PRELID2: variants seen among roughly 807,000 people sequenced by gnomAD.
The protein encoded by PRELID2 is PRELI domain-containing protein 2.
Under a neutral mutation model 28.4 loss-of-function variants are expected in PRELID2, and 25 were observed. That is an observed-to-expected ratio of 0.88 (90% CI 0.64 to 1.23). PRELID2 has a LOEUF of 1.23. Ranked by LOEUF, PRELID2 falls within the 50% of genes most tolerant of loss-of-function variation. The pLI is 0.00. For synonymous variants in PRELID2, 76 were observed against 71.6 expected (o/e 1.06, Z -0.31); for missense variants, 201 against 214.4 (o/e 0.94, Z 0.39).
intron 1 of PRELID2, among the ~76,000 whole-genome samples, chr5:145,650,925 C>G (rs924298741): frequency 6.6e-6 from 1 of 151,982 alleles, no homozygotes; most frequent in African/African-American, 2.4e-5. Context: ...ACAGTGGGTG[C>G]GGCCCACCGA....
At chr5:145,598,867 G>A (rs1363162488) in intron 1 of PRELID2, among the ~76,000 whole-genome samples, 1 of 152,154 alleles carries the variant, frequency 6.6e-6, no homozygotes, top group Admixed American at 6.5e-5. Flanking sequence ...CATAAGAATG[G>A]TAAGAAAGAG....
chr5:145,741,262 A>G (rs1181922801), intron 1 of PRELID2, among the ~76,000 whole-genome samples: 2 of 113,672 alleles, frequency 1.8e-5, no homozygotes, highest in African/African-American at 7.2e-5. Flanking sequence ...TATAAATAAT[A>G]TATATTTATA....
At chr5:145,362,839 A>G in the PRELID2 span, among the ~76,000 whole-genome samples, 1 of 152,106 alleles carries the variant, frequency 6.6e-6, no homozygotes, top group African/African-American at 2.4e-5. Context: ...AGATCTTTCT[A>G]AGACATACAG....
chr5:145,581,804 G>A (rs1753110018), intron 1 of PRELID2, among the ~76,000 whole-genome samples: 1 of 152,000 alleles, frequency 6.6e-6, no homozygotes, highest in Admixed American at 6.6e-5. Flanking sequence ...ATAAATTGAG[G>A]ACCAGTCATG....
At chr5:145,333,629 C>T in the PRELID2 span, among the ~76,000 whole-genome samples, 1 of 152,140 alleles carries the variant, frequency 6.6e-6, no homozygotes, top group Non-Finnish European at 1.5e-5. Context: ...CCCTACCAAG[C>T]TCAAGCATCC....
chr5:145,603,937 A>G (rs529641462), intron 1 of PRELID2, among the ~76,000 whole-genome samples: 1 of 152,164 alleles, frequency 6.6e-6, no homozygotes, highest in Admixed American at 6.6e-5. Context: ...TAGAATAGTC[A>G]ATCTAGAAAA....
the PRELID2 span, among the ~76,000 whole-genome samples, chr5:145,333,711 G>GT: frequency 6.6e-6 from 1 of 151,714 alleles, no homozygotes; most frequent in Admixed American, 6.6e-5. Flanking sequence ...TGGGCTCCAT[G>GT]TTGGTGGGAT....
the PRELID2 span, among the ~76,000 whole-genome samples, chr5:145,430,329 C>A: frequency 2.0e-5 from 3 of 152,250 alleles, no homozygotes; most frequent in South Asian, 4.1e-4. Flanking sequence ...TAACAAATTT[C>A]TTTGGCTTTG....
chr5:145,806,822 C>T (rs899782257), intron 4 of PRELID2, among the ~76,000 whole-genome samples: 3 of 152,154 alleles, frequency 2.0e-5, no homozygotes, highest in East Asian at 3.9e-4. Flanking sequence ...CTATCTCTCT[C>T]CCGCCACCTT....
the PRELID2 span, among the ~76,000 whole-genome samples, chr5:145,427,349 G>A: frequency 3.9e-4 from 60 of 152,308 alleles, no homozygotes; most frequent in Middle Eastern, 3.4e-3. Context: ...GTGACACAGT[G>A]TATTTATTAA....
the PRELID2 span, among the ~76,000 whole-genome samples, chr5:145,310,756 G>A: frequency 4.6e-5 from 7 of 152,094 alleles, no homozygotes; most frequent in African/African-American, 1.7e-4. Flanking sequence ...ATGCATCTTC[G>A]TAAACTCTTA....
At chr5:145,504,998 A>T (rs1752393233) in intron 1 of PRELID2, among the ~76,000 whole-genome samples, 2 of 152,114 alleles carry the variant, frequency 1.3e-5, no homozygotes, top group South Asian at 4.1e-4. Context: ...GTCTTCACAT[A>T]CTTAAGCAAG....
chr5:145,412,744 T>C, the PRELID2 span, among the ~76,000 whole-genome samples: 1 of 152,182 alleles, frequency 6.6e-6, no homozygotes, highest in African/African-American at 2.4e-5. Context: ...CTCAAACTGC[T>C]ATGAAGAAAT....
At chr5:145,821,569 C>T (rs12658465) in intron 2 of PRELID2, among the ~76,000 whole-genome samples, 26,159 of 152,156 alleles carry the variant, frequency 0.17, 2,712 homozygotes, top group African/African-American at 0.27. Flanking sequence ...ATCACTGTGA[C>T]TTAGCCATGC....
At position 145,617,997 on chromosome 5, in the gene PRELID2, T is replaced by A. The variant is rs1213082319; in HGVS notation, n.71-144682A>T. On this transcript the variant is annotated intron_variant and non_coding_transcript_variant, in intron 1 of 2. Transcript: ENST00000510259. ...ATCCACCCACCTCGGCCTCCCAAAG[T>A]GCTGGGATTACAGATGTGAGCCACC... Among the ~76,000 whole-genome samples, 4 of 152,198 alleles carry A rather than the reference T, an allele frequency of 2.6e-5. No individual in the cohort carries two copies. In the East Asian group the frequency reaches 7.7e-4, roughly 29 times the overall value.
chr5:145,308,596 T>C, the PRELID2 span, among the ~76,000 whole-genome samples: 8 of 152,104 alleles, frequency 5.3e-5, no homozygotes, highest in African/African-American at 1.9e-4. Flanking sequence ...TAGGTGCAGA[T>C]ATTTTTAATT....
At chr5:145,675,076 C>A (rs752504432) in intron 1 of PRELID2, among the ~76,000 whole-genome samples, 7 of 151,912 alleles carry the variant, frequency 4.6e-5, no homozygotes, top group Non-Finnish European at 8.8e-5. Context: ...ACTTGACATA[C>A]AAATTAAAAT....
chr5:145,443,320 G>T, the PRELID2 span, among the ~76,000 whole-genome samples: 1 of 151,986 alleles, frequency 6.6e-6, no homozygotes. Context: ...TACCCTGACA[G>T]ATTACATTCC....
At chr5:145,761,238 G>C (rs1196686518) in intron 6 of PRELID2, among the ~76,000 whole-genome samples, 1 of 152,160 alleles carries the variant, frequency 6.6e-6, no homozygotes, top group Non-Finnish European at 1.5e-5. Context: ...TGAAAAAATT[G>C]AGTAAATTAT....
Sources: allele counts gnomAD v4.1 joint callset (sites outside exome capture counted in the v4.1 genomes callset), GRCh38; gene constraint gnomAD v4.1.1; transcripts MANE v1.5; gene names NCBI Gene and HGNC (gene_info 2026-07-23, HGNC 2026-07-21).